The following UNC13A variants were observed in gnomAD, a reference collection of about 807,000 sequenced individuals.
UNC13A encodes protein unc-13 homolog A.
A neutral mutation model predicts 219.7 loss-of-function variants in UNC13A; 61 were observed. The ratio of observed to expected loss-of-function variants is 0.28; its 90% CI spans 0.23 to 0.34. UNC13A has a LOEUF of 0.34. Among genes scored for constraint, UNC13A ranks in the 10% least tolerant of loss-of-function variants. UNC13A has a pLI of 1.00. For missense variants in UNC13A, 1,476 were observed against 2,270.3 expected, an observed-to-expected ratio of 0.65 and a Z score of 7.11; for synonymous variants, 920 against 884.6, an observed-to-expected ratio of 1.04 and a Z score of -0.71.
rs1443166027 is a variant in UNC13A at position 17,627,597 on chromosome 19, G to A, written c.3832C>T (p.Leu1278=). 3 of 1,557,344 alleles carry A rather than the reference G, an allele frequency of 1.9e-6. No individual in the cohort carries two copies. Among genetic ancestry groups the A allele is most frequent in the Non-Finnish European group, 2.6e-6 (3 of 1,149,460 alleles). The part of the protein sequence containing the change: ...KMFEAMGGKE[L]DAEASDILKE... ...AGGATGTCACTGGCTTCAGCATCCAGCTAAGGAGGGAGAAGGGACACCAGG... is the reference window on the plus strand; with the variant it reads ...AGGATGTCACTGGCTTCAGCATCCAACTAAGGAGGGAGAAGGGACACCAGG... The change falls in exon 33 of 44, where the codon CTG becomes TTG. Residue 1278 remains leucine, a splice_region_variant and synonymous_variant. Transcript: ENST00000519716. This position sits in a 1 kb window ranked among gnomAD's most constrained non-coding sequence, Gnocchi z 4.7.
chr19:17,661,834 G>A (rs1277688597), intron 8 of UNC13A, among the ~76,000 whole-genome samples: 1 of 152,218 alleles, frequency 6.6e-6, no homozygotes, highest in Non-Finnish European at 1.5e-5. Flanking sequence ...CGCACAGCAG[G>A]AGGTGGGCAG....
intron 23 of UNC13A, 101 bp downstream of exon 23, chr19:17,639,739 G>T (rs570371228): frequency 1.5e-6 from 2 of 1,378,518 alleles, no homozygotes; most frequent in South Asian, 1.2e-5. Flanking sequence ...CATCGTACAT[G>T]CGAAGATGGG....
At chr19:17,628,508 G>A (rs1324328960) in intron 31 of UNC13A, among the ~76,000 whole-genome samples, 2 of 151,170 alleles carry the variant, frequency 1.3e-5, no homozygotes, top group African/African-American at 4.9e-5. Flanking sequence ...AGTTAACTCA[G>A]CCAGACAAAA....
In UNC13A at chr19:17,656,220, G is replaced by C; in HGVS notation, c.946C>G (p.Arg316Gly). The C allele has an allele frequency of 1.3e-6, 2 of 1,552,204 alleles. No individual in the cohort carries two copies. Among genetic ancestry groups the C allele is most frequent in the Non-Finnish European group, 1.7e-6 (2 of 1,147,146 alleles). Residue 316 changes from arginine (R) to glycine (G), a missense_variant, in exon 10 of 44, where the codon CGC becomes GGC. This residue lies in a region of UNC13A where 351 missense variants were observed against 342.6 expected (regional missense o/e 1.02). Coordinates refer to ENST00000519716, the MANE Select transcript of UNC13A (RefSeq NM_001080421.3). ...AGCTCTTCCTCATCCTGGTCCCAGC[G>C]AGGCGAGTCTTTGTGGTAGCTGACC... is the stretch of plus-strand genomic sequence containing the variant. ...SSVSYHKDSP[R>G]WDQDEEELEE...
intron 26 of UNC13A, among the ~76,000 whole-genome samples, chr19:17,633,727 A>G (rs979674725): frequency 6.6e-6 from 1 of 151,140 alleles, no homozygotes; most frequent in South Asian, 2.1e-4. Flanking sequence ...CTATCCATCT[A>G]TCTATTTATC....
intron 1 of UNC13A, among the ~76,000 whole-genome samples, chr19:17,680,743 T>C (rs977636692): frequency 3.9e-5 from 6 of 152,084 alleles, no homozygotes; most frequent in African/African-American, 1.4e-4. Context: ...TATACTATTA[T>C]TATTATTACT....
rs2076986407 is a variant in UNC13A at position 17,642,959 on chromosome 19, G to C, written c.2358C>G (p.Asp786Glu). 1 of 1,601,936 alleles carries C rather than the reference G, an allele frequency of 6.2e-7. No homozygotes were observed. Among genetic ancestry groups the C allele is most frequent in the Non-Finnish European group, 8.5e-7 (1 of 1,174,130 alleles). The change falls in exon 20 of 44, where the codon GAC becomes GAG. Residue 786 changes from aspartate to glutamate, a missense_variant and splice_region_variant. Asp to Glu is a conservative substitution (Grantham distance 45). Around this residue, in one of 14 missense-constraint regions of UNC13A, gnomAD observed 66 missense variants for 224.3 expected, o/e 0.29. Transcript: ENST00000519716. ...ACACGGCAGATTTGTCAGTTCGCTTGTCTGCAGGGCAGAAAAAGAAGACAG... is the reference window on the plus strand; with the variant it reads ...ACACGGCAGATTTGTCAGTTCGCTTCTCTGCAGGGCAGAAAAAGAAGACAG... ...SGEMDVWYNL[D>E]KRTDKSAVSG...
At chr19:17,660,533 G>GC (rs1270248820) in intron 8 of UNC13A, among the ~76,000 whole-genome samples, 3 of 68,898 alleles carry the variant, frequency 4.4e-5, no homozygotes, top group Non-Finnish European at 9.6e-5. Context: ...GTTGGTTTTT[G>GC]GGTTTTTTTT....
chr19:17,675,964 A>T (rs1383641761), intron 2 of UNC13A, 48 bp downstream of exon 2: 1 of 1,547,494 alleles, frequency 6.5e-7, no homozygotes, highest in Non-Finnish European at 8.7e-7. Flanking sequence ...CAAGAGACAG[A>T]CAGACAGACA....
At chr19:17,639,550 G>C (rs2076945411) in intron 23 of UNC13A, 25 bp from the exon 24 acceptor site, 1 of 1,608,460 alleles carries the variant, frequency 6.2e-7, no homozygotes, top group Admixed American at 1.7e-5. Context: ...AAGAGATGTG[G>C]GGTTATGGAA....
chr19:17,644,719 TCTCA>T, intron 19 of UNC13A, among the ~76,000 whole-genome samples: 1 of 151,606 alleles, frequency 6.6e-6, no homozygotes, highest in Non-Finnish European at 1.5e-5. Flanking sequence ...TGAGAAAGGG[TCTCA>T]CTCTGTTCCC....
At chr19:17,648,295 T>C in intron 16 of UNC13A, 136 bp downstream of exon 16, 1 of 279,946 alleles carries the variant, frequency 3.6e-6, no homozygotes, top group African/African-American at 5.1e-5. Context: ...GTCCCTCCCC[T>C]GCCTCACGAC....
In UNC13A at chr19:17,605,349, G is replaced by C. The variant is rs894535498; in HGVS notation, c.*705C>G. ...TATGATATGAGGACTGGGTTTGTTG[G>C]GGGAGAGGGAGAGGCAAACTCCCAA... On this transcript the variant is annotated 3_prime_UTR_variant, in exon 44 of 44. Transcript: ENST00000519716. 1 of 152,716 alleles carries C rather than the reference G, an allele frequency of 6.5e-6. No homozygotes were observed. Among genetic ancestry groups the C allele is most frequent in the African/African-American group, 2.4e-5 (1 of 41,460 alleles). 9.5% of individuals were successfully genotyped at this position (152,716 alleles called of 1,614,324 possible).
At chr19:17,646,835 T>C (rs2077032276) in intron 17 of UNC13A, among the ~76,000 whole-genome samples, 1 of 152,166 alleles carries the variant, frequency 6.6e-6, no homozygotes, top group Admixed American at 6.5e-5. Context: ...CGCCCCTAAG[T>C]GGGGCCACAC....
At chr19:17,675,407 G>A (rs1030490970) in intron 2 of UNC13A, among the ~76,000 whole-genome samples, 9 of 151,662 alleles carry the variant, frequency 5.9e-5, no homozygotes, top group Non-Finnish European at 1.0e-4. Flanking sequence ...CGAGGCGGGC[G>A]GATCATTTAA....
chr19:17,629,516 T>C (rs1329575433), intron 30 of UNC13A, among the ~76,000 whole-genome samples, 193 bp from the exon 31 acceptor site: 2 of 152,162 alleles, frequency 1.3e-5, no homozygotes, highest in Non-Finnish European at 1.5e-5. Flanking sequence ...TCGATGAAGA[T>C]GATCATTTTA....
chr19:17,624,334 G>C (rs533857396), intron 35 of UNC13A, among the ~76,000 whole-genome samples: 1 of 152,104 alleles, frequency 6.6e-6, no homozygotes, highest in East Asian at 1.9e-4. Flanking sequence ...GCCCAGGCTG[G>C]TCTCGAACTC....
chr19:17,647,582 G>T, intron 16 of UNC13A, 90 bp from the exon 17 acceptor site: 3 of 1,307,132 alleles, frequency 2.3e-6, no homozygotes, highest in East Asian at 2.4e-5. Flanking sequence ...CTCATCAACC[G>T]GGGGGACTCA....
chr19:17,685,576 G>A (rs548303031), intron 1 of UNC13A, among the ~76,000 whole-genome samples: 97 of 152,184 alleles, frequency 6.4e-4, no homozygotes, highest in Non-Finnish European at 1.3e-3. Context: ...ATGCGTGCTG[G>A]CAGACACACA....
Sources: allele counts gnomAD v4.1 joint callset (sites outside exome capture counted in the v4.1 genomes callset), GRCh38; gene constraint gnomAD v4.1.1; regional missense constraint gnomAD v4.1.1; non-coding constraint Gnocchi (gnomAD v3.1); transcripts MANE v1.5; gene names NCBI Gene and HGNC (gene_info 2026-07-23, HGNC 2026-07-21).